DIAPH2: variants seen among roughly 807,000 people sequenced by gnomAD.
DIAPH2 encodes diaphanous related formin 2.
In DIAPH2, 35 loss-of-function variants were observed where a neutral mutation model predicts 92.7. The observed-to-expected ratio is 0.38, with a 90% CI of 0.29 to 0.50. DIAPH2 has a LOEUF of 0.50. DIAPH2 is among the 20% of genes least tolerant of loss of function. The probability of loss-of-function intolerance (pLI) is 0.94; values close to 1 mark genes in which losing one functional copy is unlikely to be tolerated. For missense variants in DIAPH2, 701 were observed against 819.5 expected (o/e 0.86, Z 1.77); for synonymous variants, 301 against 280.4 (o/e 1.07, Z -0.73).
chrX:97,025,444 A>G (rs996706227), intron 17 of DIAPH2, among the ~76,000 whole-genome samples: 4 of 109,220 alleles, frequency 3.7e-5, no homozygotes, highest in Admixed American at 2.0e-4. Context: ...GAGGTCAGGA[A>G]ATTGAGACCA....
intron 1 of DIAPH2, among the ~76,000 whole-genome samples, chrX:96,694,498 G>A (rs1236436673): frequency 1.8e-5 from 2 of 110,250 alleles, no homozygotes; most frequent in Non-Finnish European, 3.8e-5. Flanking sequence ...GCACCACCAC[G>A]CCCAGCTAAT....
At chrX:97,234,962 A>G in intron 22 of DIAPH2, among the ~76,000 whole-genome samples, 1 of 112,487 alleles carries the variant, frequency 8.9e-6, no homozygotes, top group East Asian at 2.8e-4. Flanking sequence ...AATGATCACT[A>G]GGCATTTGAA....
intron 22 of DIAPH2, among the ~76,000 whole-genome samples, chrX:97,214,131 G>T (rs999293955): frequency 8.9e-6 from 1 of 112,271 alleles, no homozygotes; most frequent in South Asian, 3.7e-4. Context: ...AAATCAAATC[G>T]CTGCTACTTG....
At chrX:96,762,267 A>G (rs190936526) in intron 4 of DIAPH2, among the ~76,000 whole-genome samples, 1 of 111,441 alleles carries the variant, frequency 9.0e-6, no homozygotes, top group East Asian at 2.8e-4. Flanking sequence ...TTTCTTAAAC[A>G]CAATTCTGCC....
intron 20 of DIAPH2, among the ~76,000 whole-genome samples, chrX:97,105,630 G>C (rs2066935088): frequency 1.8e-5 from 2 of 112,039 alleles, no homozygotes; most frequent in Admixed American, 1.9e-4. Context: ...TCAAACCTCA[G>C]AGCAATGGAA....
Position 96,685,022 on chromosome X carries a change from T to G in DIAPH2, c.-37T>G. 1.0e-6 allele frequency: 1 copy of G among 965,348 alleles called. No individual in the cohort carries two copies. 79.6% of individuals were successfully genotyped at this position (965,348 alleles called of 1,213,427 possible). A position where few individuals can be genotyped will look rare whatever the true frequency, so the allele number is the denominator to read the frequency against. On this transcript the variant is annotated 5_prime_UTR_variant, in exon 1 of 27. Coordinates refer to ENST00000324765, the MANE Select transcript of DIAPH2 (RefSeq NM_006729.5). ...AGGTGCTTTCTCAGTTGAGGAGAGG[T>G]GGGGTTACAGGGCACAGGTGACAGG...
chrX:97,359,886 C>T (rs1472074677), intron 24 of DIAPH2, among the ~76,000 whole-genome samples: 1 of 111,360 alleles, frequency 9.0e-6, no homozygotes, highest in African/African-American at 3.3e-5. Context: ...ATGTTATAAT[C>T]TTAATAATGA....
At chrX:96,765,477 G>A (rs186374592) in intron 4 of DIAPH2, among the ~76,000 whole-genome samples, 16 of 111,364 alleles carry the variant, frequency 1.4e-4, no homozygotes, top group African/African-American at 4.9e-4. Flanking sequence ...GAGATTACAG[G>A]CGTGAGCCAC....
intron 4 of DIAPH2, among the ~76,000 whole-genome samples, chrX:96,778,717 A>T (rs1037845511): frequency 9.0e-6 from 1 of 111,130 alleles, no homozygotes; most frequent in African/African-American, 3.3e-5. Flanking sequence ...TCCTAGACTT[A>T]AAAAAAAATT....
chrX:96,911,643 C>A (rs575518411), intron 5 of DIAPH2, among the ~76,000 whole-genome samples: 2 of 111,457 alleles, frequency 1.8e-5, no homozygotes, highest in African/African-American at 3.3e-5. Flanking sequence ...AGAATCTTTC[C>A]TGATCACACA....
intron 21 of DIAPH2, among the ~76,000 whole-genome samples, chrX:97,129,151 T>TTTTCTTTTC (rs1569308198): frequency 1.2e-4 from 10 of 85,243 alleles, no homozygotes; most frequent in Non-Finnish European, 2.0e-4. Flanking sequence ...CTTTTCTTTC[T>TTTTCTTTTC]TTTCTTTTCT....
intron 26 of DIAPH2, among the ~76,000 whole-genome samples, chrX:97,441,837 A>C (rs2147787241): frequency 8.8e-6 from 1 of 113,114 alleles, no homozygotes; most frequent in African/African-American, 3.2e-5. Context: ...ATAAAATAAA[A>C]TAAAATTTAC....
At chrX:97,060,107 T>C (rs771242831) in intron 17 of DIAPH2, among the ~76,000 whole-genome samples, 1 of 112,873 alleles carries the variant, frequency 8.9e-6, no homozygotes, top group East Asian at 2.8e-4. Flanking sequence ...TCTGTAGTTA[T>C]AACCAGTTCT....
chrX:97,262,572 A>G (rs2068297798), intron 23 of DIAPH2, among the ~76,000 whole-genome samples: 1 of 112,213 alleles, frequency 8.9e-6, no homozygotes, highest in African/African-American at 3.2e-5. Flanking sequence ...ATAATGACAC[A>G]GGGGTGAGGA....
At chrX:97,062,926 C>G (rs532464800) in intron 17 of DIAPH2, among the ~76,000 whole-genome samples, 2 of 104,067 alleles carry the variant, frequency 1.9e-5, no homozygotes, top group African/African-American at 3.5e-5. Flanking sequence ...CCCAGCTACT[C>G]GGGAGGCTGA....
chrX:97,279,640 A>G (rs2068481091), intron 23 of DIAPH2, among the ~76,000 whole-genome samples: 1 of 111,411 alleles, frequency 9.0e-6, no homozygotes, highest in South Asian at 3.8e-4. Context: ...TTTCTAAAAC[A>G]TGAAATTCTT....
intron 17 of DIAPH2, among the ~76,000 whole-genome samples, chrX:97,040,644 CCT>C (rs1294807705): frequency 9.1e-6 from 1 of 110,363 alleles, no homozygotes; most frequent in Non-Finnish European, 1.9e-5. Context: ...TTGTTTTTCT[CCT>C]CTGTCTTTTG....
intron 26 of DIAPH2, among the ~76,000 whole-genome samples, chrX:97,522,584 T>C (rs966028429): frequency 8.9e-6 from 1 of 112,963 alleles, no homozygotes; most frequent in African/African-American, 3.2e-5. Flanking sequence ...CTTTCATTAG[T>C]GCTTTAATTA....
At chrX:97,248,186 GT>G (rs746040066) in intron 23 of DIAPH2, among the ~76,000 whole-genome samples, 2 of 109,718 alleles carry the variant, frequency 1.8e-5, no homozygotes, top group South Asian at 3.8e-4. Flanking sequence ...TCAACAGAAG[GT>G]TTTTTTTTGT....
Sources: allele counts gnomAD v4.1 joint callset (sites outside exome capture counted in the v4.1 genomes callset), GRCh38; gene constraint gnomAD v4.1.1; transcripts MANE v1.5; gene names NCBI Gene and HGNC (gene_info 2026-07-23, HGNC 2026-07-21).